Variants in RAB44 observed in about 807,000 individuals in gnomAD.
The protein encoded by RAB44 is RAB44, member RAS oncogene family, also known as ras-related protein Rab-44.
RAB44 carries 67 observed loss-of-function variants against 93.3 expected under a neutral mutation model. The observed-to-expected ratio is 0.72, with a 90% CI of 0.59 to 0.88. RAB44 has a LOEUF of 0.88. RAB44 is among the 40% of genes least tolerant of loss of function. RAB44 has a pLI of 0.00. For synonymous variants in RAB44, 427 were observed against 520.3 expected (o/e 0.82, Z 2.44); for missense variants, 1,064 against 1,261.7 (o/e 0.84, Z 2.37).
chr6:36,702,339 A>AGAGAGAGAGAGAGAGAG (rs1554187154), intron 1 of RAB44, among the ~76,000 whole-genome samples: 1 of 32,082 alleles, frequency 3.1e-5, no homozygotes, highest in African/African-American at 1.1e-4. Flanking sequence ...AGAGAGAGAG[A>AGAGAGAGAGAGAGAGAG]ATGTACTTCT....
rs756989415 is a variant in RAB44, at chr6:36,725,863, A to C, written c.2601A>C (p.Gly867=). 19 of 1,549,924 alleles carry C rather than the reference A, an allele frequency of 1.2e-5. No individual in the cohort carries two copies. Among genetic ancestry groups the C allele is most frequent in the East Asian group, 2.4e-5 (1 of 40,904 alleles). ...SFATGLTATV[G]VDFRVKTLLV... ...TTCACCCCTCTCTATGTGTCCTAGG[A>C]GTAGATTTTCGGGTCAAAACCTTGC... Residue 867 remains glycine, a splice_region_variant and synonymous_variant, in exon 10 of 14, where the codon GGA becomes GGC. Transcript: ENST00000612677.
chr6:36,714,589 C>T (rs1762868717), intron 3 of RAB44, among the ~76,000 whole-genome samples: 1 of 152,318 alleles, frequency 6.6e-6, no homozygotes, highest in African/African-American at 2.4e-5. Context: ...TGCGCTTGGG[C>T]CCACTCCAGG....
intron 11 of RAB44, 140 bp from the exon 12 acceptor site, chr6:36,728,560 G>C (rs770541662): frequency 3.0e-6 from 2 of 668,290 alleles, no homozygotes; most frequent in Non-Finnish European, 5.4e-6. Context: ...GGGGGAAAGG[G>C]TCCAGGTGAG....
At position 36,717,978 on chromosome 6, in the gene RAB44, C is replaced by T; in HGVS notation, c.642-50C>T. ...CCAGACTGCCCCTGCCAGCAGCAGG[C>T]TCCCAGAGGTGCTGATGGGCTGCCT... On this transcript the variant is annotated intron_variant, in intron 5 of 13. Transcript: ENST00000612677. The surrounding 1 kb of genome is among the most constrained non-coding windows in gnomAD (Gnocchi z 4.1). 3 of 1,145,584 alleles carry T rather than the reference C, an allele frequency of 2.6e-6. No homozygotes were observed. The highest frequency in any genetic ancestry group is 3.3e-6 in the Non-Finnish European group (3 of 908,946). The allele number at this position is 1,145,584 out of a possible 1,614,324, so 71.0% of individuals were successfully genotyped here. A position where few individuals can be genotyped will look rare whatever the true frequency, so the allele number is the denominator to read the frequency against.
At chr6:36,703,069 C>T (rs946425341) in intron 1 of RAB44, among the ~76,000 whole-genome samples, 3 of 152,320 alleles carry the variant, frequency 2.0e-5, no homozygotes, top group Admixed American at 6.5e-5. Flanking sequence ...AATTTATTTC[C>T]TCATCCTTCT....
chr6:36,718,669 G>A, intron 7 of RAB44, 81 bp downstream of exon 7: 1 of 651,118 alleles, frequency 1.5e-6, no homozygotes, highest in Non-Finnish European at 2.2e-6. Flanking sequence ...TCAGAGACAT[G>A]GAAATCAGAA....
rs74560382 is a variant in RAB44, at chr6:36,704,537, C to T, written c.207+95C>T. The T allele has an allele frequency of 6.5e-3, 7,379 of 1,141,306 alleles. 215 individuals are homozygous for T. The African/African-American group carries it at 0.077, about 12-fold the overall frequency. The allele number at this position is 1,141,306 out of a possible 1,614,324, so 70.7% of individuals were successfully genotyped here. ...CACAGGAAGGCAGGGCTTGCTACCC[C>T]TGCCCCTTTCTCTCATTTAGAGCTC... On this transcript the variant is annotated intron_variant, in intron 2 of 13. Coordinates refer to ENST00000612677, the MANE Select transcript of RAB44 (RefSeq NM_001257357.2).
intron 12 of RAB44, among the ~76,000 whole-genome samples, chr6:36,729,480 T>A (rs1763310862): frequency 6.6e-6 from 1 of 151,374 alleles, no homozygotes; most frequent in Non-Finnish European, 1.5e-5. Flanking sequence ...TTTTCTTTCT[T>A]TCTTTCTTTT....
rs570321326 is a variant in RAB44 at position 36,704,239 on chromosome 6, G to A, written c.4G>A (p.Glu2Lys). Reference sequence around the variant, plus strand: ...CTGTCCCCAGGGCCAACGCACCATGGAGACTGGACAGAGAACATCTCGAAA... The same window carrying A: ...CTGTCCCCAGGGCCAACGCACCATGAAGACTGGACAGAGAACATCTCGAAA... METGQRTSRKVR... is the reference protein window; with the variant it reads MKTGQRTSRKVR... Residue 2 changes from glutamate to lysine, a missense_variant, in exon 2 of 14, where the codon GAG (glutamate) becomes AAG (lysine). By Grantham distance (56) the Glu-to-Lys change is moderately conservative (BLOSUM62 1). Transcript: ENST00000612677. 1 of 1,536,018 alleles carries A rather than the reference G, an allele frequency of 6.5e-7. No homozygotes were observed. The highest frequency in any genetic ancestry group is 1.4e-5 in the African/African-American group (1 of 73,156).
At chr6:36,702,911 C>T (rs2150323569) in intron 1 of RAB44, among the ~76,000 whole-genome samples, 1 of 151,702 alleles carries the variant, frequency 6.6e-6, no homozygotes, top group South Asian at 2.1e-4. Context: ...ACACCCCTTA[C>T]TTGAGCACTT....
At chr6:36,715,034 G>A (rs1237873213) in intron 3 of RAB44, among the ~76,000 whole-genome samples, 2 of 151,798 alleles carry the variant, frequency 1.3e-5, no homozygotes, top group African/African-American at 4.9e-5. Context: ...CATCTAAGTC[G>A]ATCCTCCCAG....
Position 36,732,009 on chromosome 6 carries a change from C to G in RAB44, c.2982C>G (p.Leu994=). The change falls in exon 14 of 14, where the codon CTC becomes CTG. Residue 994 remains leucine, a synonymous_variant. Coordinates refer to ENST00000612677, the MANE Select transcript of RAB44 (RefSeq NM_001257357.2). ...GCCTGGCACTGTCACATAGGTCACT[C>G]AGGATGCAAGAAGAAGGCCTGAAGG... ...LEPVVNLARS[L]RMQEEGLKDS... is the part of the protein sequence containing the mutation. 8.1e-7 allele frequency: 1 copy of G among 1,234,158 alleles called. No individual in the cohort carries two copies. The highest frequency in any genetic ancestry group is 1.0e-6 in the Non-Finnish European group (1 of 988,174). 76.5% of individuals were successfully genotyped at this position (1,234,158 alleles called of 1,614,324 possible).
chr6:36,705,409 T>TCCCC (rs1255323417), intron 2 of RAB44, among the ~76,000 whole-genome samples: 1 of 89,802 alleles, frequency 1.1e-5, no homozygotes, highest in Non-Finnish European at 1.9e-5. Context: ...CCTCCCTCCC[T>TCCCC]TCCTTCCTTC....
intron 2 of RAB44, among the ~76,000 whole-genome samples, chr6:36,711,056 G>C (rs2150329343): frequency 6.6e-6 from 1 of 152,226 alleles, no homozygotes; most frequent in Non-Finnish European, 1.5e-5. Flanking sequence ...CAATGTTTCA[G>C]TATTAAATTT....
In RAB44 at chr6:36,725,878, C is replaced by T. The variant is rs1336866078; in HGVS notation, c.2616C>T (p.Val872=). Residue 872 remains valine, a synonymous_variant, in exon 10 of 14, where the codon GTC becomes GTT. Transcript: ENST00000612677. ...GTGTCCTAGGAGTAGATTTTCGGGT[C>T]AAAACCTTGCTGGTGGACAACAAGT... ...LTATVGVDFR[V]KTLLVDNKCF... The T allele has an allele frequency of 3.9e-6, 6 of 1,550,444 alleles. No individual in the cohort carries two copies. Among genetic ancestry groups the T allele is most frequent in the African/African-American group, 1.4e-5 (1 of 73,034 alleles).
At chr6:36,702,137 G>T (rs143496369) in intron 1 of RAB44, among the ~76,000 whole-genome samples, 154 of 152,190 alleles carry the variant, frequency 1.0e-3, no homozygotes, top group Non-Finnish European at 1.9e-3. Flanking sequence ...TGATTCCCAT[G>T]GTGCCAATAC....
Position 36,722,073 on chromosome 6 carries a change from G to A in RAB44, c.1939G>A (p.Glu647Lys). 1 of 1,234,838 alleles carries A rather than the reference G, an allele frequency of 8.1e-7. No individual in the cohort carries two copies. Among genetic ancestry groups the A allele is most frequent in the Non-Finnish European group, 1.0e-6 (1 of 988,574 alleles). The allele number at this position is 1,234,838 out of a possible 1,614,324, so 76.5% of individuals were successfully genotyped here. Residue 647 changes from glutamate (E) to lysine (K), a missense_variant, in exon 9 of 14, where the codon GAG becomes AAG. Glu to Lys is a moderately conservative substitution (Grantham distance 56). Coordinates refer to ENST00000612677, the MANE Select transcript of RAB44 (RefSeq NM_001257357.2). Reference protein sequence around the residue: ...AGPAVQEGLPEGLREAHGQVL... With the variant: ...AGPAVQEGLPKGLREAHGQVL... ...CCCAGCGGTGCAGGAGGGCCTTCCT[G>A]AGGGGCTAAGAGAAGCTCATGGCCA...
chr6:36,728,746 T>TG lies in RAB44; in HGVS notation c.2845dup (p.Asp949GlyfsTer3). ...GTCATCCTTCTCCTGGGAAACAAGA[T>TG]GGACTGTGAGGAGGAACGGCAAGTG... On this transcript the variant is annotated frameshift_variant, in exon 12 of 14. Coordinates refer to ENST00000612677, the MANE Select transcript of RAB44 (RefSeq NM_001257357.2). LOFTEE classifies it high-confidence loss of function. 1 of 1,550,530 alleles carries TG rather than the reference T, an allele frequency of 6.4e-7. No homozygotes were observed. Among genetic ancestry groups the TG allele is most frequent in the South Asian group, 1.2e-5 (1 of 84,052 alleles).
intron 2 of RAB44, among the ~76,000 whole-genome samples, chr6:36,711,032 A>G (rs1762774736): frequency 6.6e-6 from 1 of 152,254 alleles, no homozygotes; most frequent in African/African-American, 2.4e-5. Flanking sequence ...CAACTTAAAA[A>G]TATGCCTAGC....
Sources: gnomAD v4.1 joint callset for allele counts (sites outside exome capture counted in the v4.1 genomes callset) on GRCh38, gnomAD v4.1.1 for gene constraint, Gnocchi (gnomAD v3.1) non-coding constraint, MANE v1.5 for transcripts, NCBI Gene and HGNC (gene_info 2026-07-23, HGNC 2026-07-21) for gene names.